Variants in DPP10 observed in about 807,000 individuals in gnomAD.
DPP10 encodes the protein dipeptidyl peptidase like 10, also known as inactive dipeptidyl peptidase 10.
DPP10 carries 33 observed loss-of-function variants against 120.9 expected under a neutral mutation model. The ratio of observed to expected loss-of-function variants is 0.27; its 90% CI spans 0.21 to 0.37. The LOEUF is 0.37. DPP10 is among the 10% of genes least tolerant of loss of function. The pLI is 1.00. For synonymous variants in DPP10, 337 were observed against 326.1 expected, an observed-to-expected ratio of 1.03 and a Z score of -0.36; for missense variants, 816 against 942.8, an observed-to-expected ratio of 0.87 and a Z score of 1.76.
chr2:115,727,944 G>T lies in DPP10; in HGVS notation c.697+8G>T. ...CTGACTGGTTATATGAAGGTGAGTT[G>T]ATCAGATTTAGTTTCAAAGGAAACA... is the stretch of plus-strand genomic sequence containing the variant. On this transcript the variant is annotated splice_region_variant and intron_variant, in intron 8 of 25. Transcript: ENST00000410059. 6.3e-7 allele frequency: 1 copy of T among 1,591,544 alleles called. No homozygotes were observed. The highest frequency in any genetic ancestry group is 1.2e-5 in the South Asian group (1 of 85,842).
chr2:114,994,625 C>A (rs962773938), intron 1 of DPP10, among the ~76,000 whole-genome samples: 1 of 152,158 alleles, frequency 6.6e-6, no homozygotes, highest in African/African-American at 2.4e-5. Context: ...AGACCTTGTC[C>A]CTGACACCTA....
At chr2:114,473,269 G>T (rs1355887149) in intron 1 of DPP10, among the ~76,000 whole-genome samples, 2 of 152,286 alleles carry the variant, frequency 1.3e-5, no homozygotes, top group South Asian at 2.1e-4. Flanking sequence ...GGTAGCCATT[G>T]CTATTAAAAT....
chr2:114,943,875 C>A (rs1697157784), intron 1 of DPP10, among the ~76,000 whole-genome samples: 1 of 152,140 alleles, frequency 6.6e-6, no homozygotes, highest in Non-Finnish European at 1.5e-5. Flanking sequence ...AATATATGAA[C>A]AACTGCCTCA....
At chr2:115,646,103 TGC>T (rs1167391562) in intron 5 of DPP10, among the ~76,000 whole-genome samples, 1 of 151,612 alleles carries the variant, frequency 6.6e-6, no homozygotes, top group East Asian at 1.9e-4. Context: ...TGCACGTGCG[TGC>T]GCGCACACAC....
chr2:115,824,484 C>T (rs556827854), intron 21 of DPP10, among the ~76,000 whole-genome samples: 1 of 151,954 alleles, frequency 6.6e-6, no homozygotes, highest in African/African-American at 2.4e-5. Flanking sequence ...GCCCCACCCC[C>T]CAACAGGCAC....
chr2:115,333,976 A>C (rs1222793471), intron 2 of DPP10, among the ~76,000 whole-genome samples: 1 of 151,958 alleles, frequency 6.6e-6, no homozygotes, highest in African/African-American at 2.4e-5. Flanking sequence ...GAAAGCCTCC[A>C]AGAAATATGG....
At chr2:114,446,482 A>G (rs1460292323) in intron 1 of DPP10, among the ~76,000 whole-genome samples, 1 of 152,076 alleles carries the variant, frequency 6.6e-6, no homozygotes, top group Non-Finnish European at 1.5e-5. Context: ...AGTACACAAT[A>G]TTTCTTTACC....
chr2:114,830,252 C>T (rs1298783016), intron 1 of DPP10, among the ~76,000 whole-genome samples: 3 of 152,024 alleles, frequency 2.0e-5, no homozygotes, highest in East Asian at 1.9e-4. Flanking sequence ...ATCGAGTACC[C>T]CCCTTACACT....
chr2:115,230,339 C>A lies in DPP10; in HGVS notation c.61-78900C>A, dbSNP rs545492169. Among the ~76,000 whole-genome samples, 12 of 151,908 alleles carry A rather than the reference C, an allele frequency of 7.9e-5. No individual in the cohort carries two copies. In the South Asian group the frequency reaches 2.5e-3, roughly 32 times the overall value. ...CCTTGGTGGAGTCTTTAGGTTTTTC[C>A]AAATATAAGATTATATCATCTGCAA... On this transcript the variant is annotated intron_variant, in intron 1 of 25. Coordinates refer to ENST00000410059, the MANE Select transcript of DPP10 (RefSeq NM_020868.6).
intron 1 of DPP10, among the ~76,000 whole-genome samples, chr2:114,516,358 C>G (rs1684594180): frequency 6.6e-6 from 1 of 152,108 alleles, no homozygotes; most frequent in African/African-American, 2.4e-5. Flanking sequence ...TTTCCATCCC[C>G]CTGCAAAGTC....
intron 1 of DPP10, among the ~76,000 whole-genome samples, chr2:114,583,849 G>A (rs1007845412): frequency 6.6e-6 from 1 of 152,074 alleles, no homozygotes; most frequent in African/African-American, 2.4e-5. Context: ...GATAGCATTT[G>A]GTTCCCTCCT....
chr2:115,629,974 G>A (rs760367191), intron 5 of DPP10, among the ~76,000 whole-genome samples: 15 of 152,030 alleles, frequency 9.9e-5, no homozygotes, highest in African/African-American at 2.4e-4. Context: ...GAATAACATC[G>A]AATGTATAAA....
intron 3 of DPP10, among the ~76,000 whole-genome samples, chr2:115,475,025 A>G (rs2074983983): frequency 6.6e-6 from 1 of 151,842 alleles, no homozygotes; most frequent in South Asian, 2.1e-4. Flanking sequence ...CATTTGGTAG[A>G]AAAGAAAAGC....
intron 1 of DPP10, among the ~76,000 whole-genome samples, chr2:114,509,907 CA>C (rs1172265093): frequency 1.3e-5 from 2 of 152,170 alleles, no homozygotes; most frequent in Non-Finnish European, 2.9e-5. Context: ...TTTGTTTTTA[CA>C]TTCATTTTGT....
chr2:115,371,332 C>T (rs964249917), intron 3 of DPP10, among the ~76,000 whole-genome samples: 2 of 152,148 alleles, frequency 1.3e-5, no homozygotes, highest in South Asian at 4.1e-4. Context: ...GAAGGAGTCT[C>T]TTACAAAATG....
intron 10 of DPP10, among the ~76,000 whole-genome samples, chr2:115,747,074 C>T (rs1386811379): frequency 2.0e-5 from 3 of 152,054 alleles, no homozygotes; most frequent in African/African-American, 7.2e-5. Context: ...GGAAATTTTA[C>T]GTACTTGAAA....
chr2:115,796,920 A>T (rs929603484), intron 19 of DPP10, among the ~76,000 whole-genome samples: 2 of 152,018 alleles, frequency 1.3e-5, no homozygotes, highest in Non-Finnish European at 1.5e-5. Flanking sequence ...CAAGTTTTAT[A>T]TATCTATTTT....
chr2:115,270,464 G>T (rs887049785), intron 1 of DPP10, among the ~76,000 whole-genome samples: 1 of 152,164 alleles, frequency 6.6e-6, no homozygotes, highest in Non-Finnish European at 1.5e-5. Flanking sequence ...CTTTCCCATA[G>T]AGGTTATTGA....
intron 1 of DPP10, among the ~76,000 whole-genome samples, chr2:115,037,364 TC>T (rs1444816345): frequency 1.3e-5 from 2 of 152,254 alleles, no homozygotes; most frequent in African/African-American, 4.8e-5. Context: ...ATACTTTTTT[TC>T]CTTTCTGTCC....
Sources: allele counts gnomAD v4.1 joint callset (sites outside exome capture counted in the v4.1 genomes callset), GRCh38; gene constraint gnomAD v4.1.1; transcripts MANE v1.5; gene names NCBI Gene and HGNC (gene_info 2026-07-23, HGNC 2026-07-21).